The following NEURL1B variants were observed in gnomAD, a reference collection of about 807,000 sequenced individuals.
NEURL1B encodes neuralized E3 ubiquitin protein ligase 1B.
NEURL1B carries 13 observed loss-of-function variants against 37.4 expected under a neutral mutation model. The ratio of observed to expected loss-of-function variants is 0.35; its 90% CI spans 0.23 to 0.55. The LOEUF (loss-of-function observed/expected upper bound fraction) is 0.55, where lower values mean the gene tolerates loss of function less well. NEURL1B is among the 20% of genes least tolerant of loss of function. The pLI is 0.89. For synonymous variants in NEURL1B, 432 were observed against 426.6 expected, an observed-to-expected ratio of 1.01 and a Z score of -0.16; for missense variants, 790 against 879.2, an observed-to-expected ratio of 0.90 and a Z score of 1.28.
Position 172,657,065 on chromosome 5 carries a change from T to G in NEURL1B, c.32-12720T>G, listed in dbSNP as rs902302526. Reference sequence around the variant, plus strand: ...GAGTCAGTCCCTCACGTCCCCATGATGGATGACTGGTTGGCTAGGGAAGCA... The same window carrying G: ...GAGTCAGTCCCTCACGTCCCCATGAGGGATGACTGGTTGGCTAGGGAAGCA... On this transcript the variant is annotated intron_variant, in intron 1 of 4. Transcript: ENST00000369800. This position sits in a 1 kb window ranked among gnomAD's most constrained non-coding sequence, Gnocchi z 4.0. Among the ~76,000 whole-genome samples the G allele has an allele frequency of 1.3e-5, 2 of 152,236 alleles. No individual in the cohort carries two copies. Among genetic ancestry groups the G allele is most frequent in the Non-Finnish European group, 2.9e-5 (2 of 68,044 alleles).
intron 1 of NEURL1B, among the ~76,000 whole-genome samples, chr5:172,663,520 C>CAAAAAAA (rs34033673): frequency 9.0e-6 from 1 of 111,104 alleles, no homozygotes. Context: ...GACTCCATCT[C>CAAAAAAA]AAAAAAAAAA....
At chr5:172,678,198 C>T (rs1440654914) in intron 2 of NEURL1B, among the ~76,000 whole-genome samples, 1 of 152,182 alleles carries the variant, frequency 6.6e-6, no homozygotes, top group African/African-American at 2.4e-5. Flanking sequence ...TTCCTTTTTA[C>T]TTTCTTAAAT....
At chr5:172,673,747 T>C (rs559127989) in intron 2 of NEURL1B, among the ~76,000 whole-genome samples, 1 of 148,622 alleles carries the variant, frequency 6.7e-6, no homozygotes, top group Admixed American at 6.8e-5. Flanking sequence ...CACAGGCTCA[T>C]GCCTGGCTAA....
chr5:172,674,759 A>G (rs764430990), intron 2 of NEURL1B, among the ~76,000 whole-genome samples: 1 of 152,120 alleles, frequency 6.6e-6, no homozygotes, highest in Non-Finnish European at 1.5e-5. Flanking sequence ...TCCAGGGGAT[A>G]GACTCATTGG....
chr5:172,650,825 G>T (rs184641603), intron 1 of NEURL1B, among the ~76,000 whole-genome samples: 1 of 152,180 alleles, frequency 6.6e-6, no homozygotes, highest in Non-Finnish European at 1.5e-5. Context: ...GGATTAGACC[G>T]CACAGGCTAA....
intron 1 of NEURL1B, among the ~76,000 whole-genome samples, chr5:172,669,170 A>G (rs536887555): frequency 6.6e-6 from 1 of 152,196 alleles, no homozygotes; most frequent in African/African-American, 2.4e-5. Flanking sequence ...GAGTGGAGTC[A>G]TGTCAGGCAA....
At chr5:172,668,244 T>C (rs1288924256) in intron 1 of NEURL1B, among the ~76,000 whole-genome samples, 1 of 152,166 alleles carries the variant, frequency 6.6e-6, no homozygotes, top group Non-Finnish European at 1.5e-5. Context: ...GTGCCTGGCA[T>C]GGTGCCTGGC....
chr5:172,684,667 TA>T (rs1758449930), intron 3 of NEURL1B, among the ~76,000 whole-genome samples: 1 of 152,190 alleles, frequency 6.6e-6, no homozygotes, highest in Non-Finnish European at 1.5e-5. Context: ...TATTTTGAGA[TA>T]ATTTTTGCCT....
chr5:172,647,453 G>A lies in NEURL1B; in HGVS notation c.31+6016G>A, dbSNP rs544228698. Among the ~76,000 whole-genome samples the A allele has an allele frequency of 6.6e-6, 1 of 152,120 alleles. No individual in the cohort carries two copies. The highest frequency in any genetic ancestry group is 1.5e-5 in the Non-Finnish European group (1 of 67,992). ...CTCAGAGGGGTAGTGAGACCTGCCC[G>A]GCCCAGGTGGCCAGGAAGTGGCAGA... On this transcript the variant is annotated intron_variant, in intron 1 of 4. Transcript: ENST00000369800. The surrounding 1 kb of genome is among the most constrained non-coding windows in gnomAD (Gnocchi z 4.2).
intron 1 of NEURL1B, among the ~76,000 whole-genome samples, chr5:172,645,045 C>CT (rs547810029): frequency 6.1e-4 from 93 of 152,324 alleles, no homozygotes; most frequent in African/African-American, 2.2e-3. Context: ...GAACCAACAG[C>CT]TTTTTCGTAT....
intron 2 of NEURL1B, among the ~76,000 whole-genome samples, chr5:172,681,271 G>C (rs537203264): frequency 6.6e-6 from 1 of 152,232 alleles, no homozygotes; most frequent in African/African-American, 2.4e-5. Context: ...AGGAAAACTA[G>C]ATAATACAGA....
chr5:172,669,849 C>T lies in NEURL1B; in HGVS notation c.96C>T (p.Arg32=). The stretch of plus-strand genomic sequence containing the variant: ...GCTGCGGCCCCGGCCCCGAGCGACG[C>T]CCGGTCCTGGGCGAGGCGCCGCGCT... ...RPCCGPGPER[R]PVLGEAPRFH... is the part of the protein sequence containing the mutation. The change falls in exon 2 of 5, where the codon CGC becomes CGT. Residue 32 remains arginine (R), a synonymous_variant. Coordinates refer to ENST00000369800, the MANE Select transcript of NEURL1B (RefSeq NM_001142651.3). 7.3e-7 allele frequency: 1 copy of T among 1,370,746 alleles called. No homozygotes were observed. The highest frequency in any genetic ancestry group is 9.4e-7 in the Non-Finnish European group (1 of 1,059,188). 84.9% of individuals were successfully genotyped at this position (1,370,746 alleles called of 1,614,324 possible).
chr5:172,653,984 T>C (rs1757716615), intron 1 of NEURL1B, among the ~76,000 whole-genome samples: 1 of 152,198 alleles, frequency 6.6e-6, no homozygotes, highest in African/African-American at 2.4e-5. Context: ...ACATAAATTC[T>C]CCCCCAACTT....
intron 2 of NEURL1B, among the ~76,000 whole-genome samples, chr5:172,673,785 T>C (rs1758175965): frequency 1.5e-5 from 2 of 132,280 alleles, no homozygotes; most frequent in South Asian, 2.4e-4. Context: ...TACAAGCGTA[T>C]CCCATGCAAT....
In NEURL1B at chr5:172,654,593, A is replaced by C. The variant is rs981829560; in HGVS notation, c.31+13156A>C. Among the ~76,000 whole-genome samples the C allele has an allele frequency of 4.7e-3, 395 of 83,560 alleles. 2 individuals carry two copies. Among genetic ancestry groups the C allele is most frequent in the Middle Eastern group, 0.036 (5 of 140 alleles). The allele number at this position is 83,560 out of a possible 152,430, so 54.8% of individuals were successfully genotyped here. A position where few individuals can be genotyped will look rare whatever the true frequency, so the allele number is the denominator to read the frequency against. Reference sequence around the variant, plus strand: ...ACTATTTTTTTTTTTTTTTTTTTTTACTTAGGATAGTTCTGAACTGGTGAG... The same window carrying C: ...ACTATTTTTTTTTTTTTTTTTTTTTCCTTAGGATAGTTCTGAACTGGTGAG... On this transcript the variant is annotated intron_variant, in intron 1 of 4. Coordinates refer to ENST00000369800, the MANE Select transcript of NEURL1B (RefSeq NM_001142651.3).
chr5:172,684,143 G>A lies in NEURL1B; in HGVS notation c.1297+5G>A. ...CGGGCCAGCTGCGTCTCCTCGGTGA[G>A]TCCCCGGCCCCGCGTGCGCGAGGCC... On this transcript the variant is annotated splice_donor_5th_base_variant and intron_variant, in intron 3 of 4. Coordinates refer to ENST00000369800, the MANE Select transcript of NEURL1B (RefSeq NM_001142651.3). 7 of 1,237,338 alleles carry A rather than the reference G, an allele frequency of 5.7e-6. No individual in the cohort carries two copies. The highest frequency in any genetic ancestry group is 7.1e-6 in the Non-Finnish European group (7 of 989,708). 76.6% of individuals were successfully genotyped at this position (1,237,338 alleles called of 1,614,324 possible).
rs552875769 is a variant in NEURL1B, at chr5:172,677,943, C to T, written c.578-5476C>T. The stretch of plus-strand genomic sequence containing the variant: ...TCTCCTTTTCCCTCTTAAGCTGTGC[C>T]CTGAGGCGTGAGTCCCTGCCCATCA... On this transcript the variant is annotated intron_variant, in intron 2 of 4. Coordinates refer to ENST00000369800, the MANE Select transcript of NEURL1B (RefSeq NM_001142651.3). 5.1e-4 allele frequency among the ~76,000 whole-genome samples: 78 copies of T among 152,282 alleles called. 2 individuals carry two copies. In the South Asian group the frequency reaches 0.016, roughly 31 times the overall value.
chr5:172,686,065 C>T lies in NEURL1B; in HGVS notation c.1298-106C>T. The T allele has an allele frequency of 7.4e-7, 1 of 1,347,338 alleles. No individual in the cohort carries two copies. Among genetic ancestry groups the T allele is most frequent in the Admixed American group, 2.3e-5 (1 of 43,958 alleles). The allele number at this position is 1,347,338 out of a possible 1,614,324, so 83.5% of individuals were successfully genotyped here. On this transcript the variant is annotated intron_variant, in intron 3 of 4. Coordinates refer to ENST00000369800, the MANE Select transcript of NEURL1B (RefSeq NM_001142651.3). The surrounding 1 kb of genome is among the most constrained non-coding windows in gnomAD (Gnocchi z 7.9). ...CAGAACCCTGGGAGATACCTCTGGT[C>T]CTCTCGTTAGACGGGAAAGCTAAGG...
intron 1 of NEURL1B, among the ~76,000 whole-genome samples, chr5:172,663,156 G>C (rs183942020): frequency 6.6e-6 from 1 of 151,496 alleles, no homozygotes; most frequent in African/African-American, 2.4e-5. Flanking sequence ...TGAGGCTGCA[G>C]TGAGCTGTGA....
Sources: gnomAD v4.1 joint callset for allele counts (sites outside exome capture counted in the v4.1 genomes callset) on GRCh38, gnomAD v4.1.1 for gene constraint, Gnocchi (gnomAD v3.1) non-coding constraint, MANE v1.5 for transcripts, NCBI Gene and HGNC (gene_info 2026-07-23, HGNC 2026-07-21) for gene names.